The following CACHD1 variants were observed in gnomAD, a reference collection of about 807,000 sequenced individuals.
The protein encoded by CACHD1 is cache domain containing 1.
A neutral mutation model predicts 138.7 loss-of-function variants in CACHD1; 71 were observed. The observed-to-expected ratio is 0.51, with a 90% CI of 0.42 to 0.62. The LOEUF (loss-of-function observed/expected upper bound fraction) is 0.62, where lower values mean the gene tolerates loss of function less well. CACHD1 is among the 20% of genes least tolerant of loss of function. CACHD1 has a pLI of 0.00. For missense variants in CACHD1, 1,389 were observed against 1,625.3 expected, an observed-to-expected ratio of 0.85 and a Z score of 2.50; for synonymous variants, 578 against 591.5, an observed-to-expected ratio of 0.98 and a Z score of 0.33.
intron 1 of CACHD1, among the ~76,000 whole-genome samples, chr1:64,472,124 C>A (rs1646148923): frequency 6.6e-6 from 1 of 152,108 alleles, no homozygotes; most frequent in Non-Finnish European, 1.5e-5. Context: ...ACCACTCCTT[C>A]CACCTCCCAC....
intron 1 of CACHD1, among the ~76,000 whole-genome samples, chr1:64,485,260 A>C (rs1646235596): frequency 1.3e-5 from 2 of 152,206 alleles, no homozygotes; most frequent in Admixed American, 1.3e-4. Flanking sequence ...GTCAAGATAT[A>C]CAACAGTATC....
intron 1 of CACHD1, among the ~76,000 whole-genome samples, chr1:64,489,475 G>C (rs1017048595): frequency 6.6e-6 from 1 of 152,166 alleles, no homozygotes; most frequent in Non-Finnish European, 1.5e-5. Flanking sequence ...TTCAGAGTCT[G>C]TTGTCTGGAA....
At chr1:64,612,246 T>A (rs1647559418) in intron 4 of CACHD1, among the ~76,000 whole-genome samples, 1 of 152,184 alleles carries the variant, frequency 6.6e-6, no homozygotes, top group African/African-American at 2.4e-5. Context: ...GTTATTATAT[T>A]ATCTTAATAC....
At chr1:64,641,679 C>T (rs1648718467) in intron 7 of CACHD1, 141 bp from the exon 8 acceptor site, 1 of 541,824 alleles carries the variant, frequency 1.8e-6, no homozygotes, top group Non-Finnish European at 3.2e-6. Flanking sequence ...ATGAAAGCCA[C>T]AGCATCAAAC....
intron 2 of CACHD1, among the ~76,000 whole-genome samples, chr1:64,576,650 C>T (rs1189208349): frequency 6.6e-6 from 1 of 152,152 alleles, no homozygotes. Context: ...TTGTATGCTC[C>T]ATATGCCTCA....
intron 22 of CACHD1, among the ~76,000 whole-genome samples, chr1:64,677,247 G>C (rs2100729885): frequency 6.6e-6 from 1 of 152,196 alleles, no homozygotes; most frequent in Non-Finnish European, 1.5e-5. Context: ...GACTTGTGAG[G>C]GGCCATGGCA....
intron 3 of CACHD1, among the ~76,000 whole-genome samples, chr1:64,594,734 C>G (rs1028277938): frequency 2.0e-5 from 3 of 152,110 alleles, no homozygotes; most frequent in African/African-American, 7.2e-5. Context: ...TGTGATTTTT[C>G]TTTCTTTTTA....
intron 2 of CACHD1, among the ~76,000 whole-genome samples, chr1:64,555,051 C>T (rs1001371300): frequency 4.6e-5 from 7 of 152,098 alleles, no homozygotes; most frequent in Admixed American, 6.5e-5. Flanking sequence ...GTGCTTGGTG[C>T]AATCACAGCT....
At chr1:64,686,408 C>T (rs187460064) in intron 26 of CACHD1, among the ~76,000 whole-genome samples, 21 of 152,226 alleles carry the variant, frequency 1.4e-4, no homozygotes, top group African/African-American at 4.3e-4. Context: ...AACAGAATTT[C>T]GTTTTTCAAA....
intron 1 of CACHD1, among the ~76,000 whole-genome samples, chr1:64,493,479 T>G (rs1226102869): frequency 1.3e-5 from 2 of 152,206 alleles, no homozygotes; most frequent in Non-Finnish European, 2.9e-5. Flanking sequence ...TTCTAAAGAT[T>G]TGGGAGACTG....
chr1:64,650,302 T>C (rs932407492), intron 9 of CACHD1, among the ~76,000 whole-genome samples: 2 of 152,180 alleles, frequency 1.3e-5, no homozygotes, highest in Non-Finnish European at 2.9e-5. Context: ...TACTGATCTA[T>C]GAAAATGGCT....
chr1:64,526,735 C>T (rs1208830852), intron 1 of CACHD1, among the ~76,000 whole-genome samples: 3 of 152,202 alleles, frequency 2.0e-5, no homozygotes, highest in East Asian at 3.9e-4. Flanking sequence ...TCCTTCTAGG[C>T]GTCTGGCGCC....
chr1:64,576,434 A>G (rs1028306899), intron 2 of CACHD1, among the ~76,000 whole-genome samples: 7 of 151,142 alleles, frequency 4.6e-5, no homozygotes, highest in African/African-American at 1.7e-4. Flanking sequence ...AGGTTCTGTT[A>G]TGCTTGCTGA....
intron 26 of CACHD1, among the ~76,000 whole-genome samples, chr1:64,684,215 A>C (rs1441690437): frequency 1.3e-5 from 2 of 152,164 alleles, no homozygotes; most frequent in Non-Finnish European, 2.9e-5. Context: ...GCTGGAGTGC[A>C]AAGGTGCGAT....
intron 3 of CACHD1, among the ~76,000 whole-genome samples, chr1:64,585,975 T>C (rs1307562159): frequency 1.3e-5 from 2 of 151,756 alleles, no homozygotes; most frequent in Middle Eastern, 3.2e-3. Flanking sequence ...AATTCTCAGC[T>C]AGCCACCTTT....
chr1:64,667,815 A>G (rs1030048638), intron 16 of CACHD1, among the ~76,000 whole-genome samples: 2 of 152,188 alleles, frequency 1.3e-5, no homozygotes, highest in African/African-American at 4.8e-5. Context: ...CTCACCTGGC[A>G]GCTTATCATC....
chr1:64,536,010 T>C (rs373463064), intron 1 of CACHD1, among the ~76,000 whole-genome samples: 7 of 152,294 alleles, frequency 4.6e-5, no homozygotes, highest in East Asian at 3.9e-4. Flanking sequence ...ACTAATTAAG[T>C]CCTCAAAGCT....
intron 4 of CACHD1, among the ~76,000 whole-genome samples, chr1:64,603,471 C>T (rs1259967949): frequency 6.6e-6 from 1 of 152,096 alleles, no homozygotes; most frequent in Non-Finnish European, 1.5e-5. Context: ...GCTCTTCAAT[C>T]TATTAACTCA....
At chr1:64,545,642 G>A (rs756467131) in intron 1 of CACHD1, among the ~76,000 whole-genome samples, 1 of 152,146 alleles carries the variant, frequency 6.6e-6, no homozygotes, top group Non-Finnish European at 1.5e-5. Flanking sequence ...GTGCTACTAC[G>A]AGTAGTTTTG....
Sources: gnomAD v4.1 joint callset for allele counts (sites outside exome capture counted in the v4.1 genomes callset) on GRCh38, gnomAD v4.1.1 for gene constraint, MANE v1.5 for transcripts, NCBI Gene and HGNC (gene_info 2026-07-23, HGNC 2026-07-21) for gene names.